Variants in COMMD1 observed in about 807,000 individuals in gnomAD.
The protein encoded by COMMD1 is copper metabolism domain containing 1.
In COMMD1, 10 loss-of-function variants were observed where a neutral mutation model predicts 17.2. That is an observed-to-expected ratio of 0.58 (90% CI 0.36 to 0.99). COMMD1 has a LOEUF of 0.99. COMMD1 is among the 50% of genes least tolerant of loss of function. COMMD1 has a pLI of 0.01. For synonymous variants in COMMD1, 97 were observed against 91.6 expected, an observed-to-expected ratio of 1.06 and a Z score of -0.34; for missense variants, 270 against 231.8, an observed-to-expected ratio of 1.17 and a Z score of -1.07.
chr2:61,922,314 T>TTTTG (rs921285948), intron 1 of COMMD1, among the ~76,000 whole-genome samples: 5 of 152,156 alleles, frequency 3.3e-5, no homozygotes, highest in Non-Finnish European at 5.9e-5. Context: ...GTGGCAGTTT[T>TTTTG]TTTGTTTGTT....
chr2:62,117,754 A>G (rs538223486), intron 2 of COMMD1, among the ~76,000 whole-genome samples: 25 of 152,276 alleles, frequency 1.6e-4, no homozygotes, highest in Middle Eastern at 6.8e-3. Flanking sequence ...TGAATTTGCT[A>G]AAGTGTTCCG....
At chr2:62,081,726 G>A (rs547908000) in intron 2 of COMMD1, among the ~76,000 whole-genome samples, 3 of 151,938 alleles carry the variant, frequency 2.0e-5, no homozygotes, top group South Asian at 2.1e-4. Flanking sequence ...TTTCCTTATC[G>A]ATTTATAAAA....
chr2:61,904,829 A>C (rs992558784), upstream of COMMD1, among the ~76,000 whole-genome samples: 19 of 152,360 alleles, frequency 1.2e-4, 1 homozygote, highest in East Asian at 3.5e-3. Flanking sequence ...ACCTATAAAC[A>C]GTCACTACCC....
chr2:62,037,797 GTAAAA>G (rs960113113), intron 2 of COMMD1, among the ~76,000 whole-genome samples: 1 of 152,178 alleles, frequency 6.6e-6, no homozygotes, highest in Non-Finnish European at 1.5e-5. Flanking sequence ...GATTCTGGGG[GTAAAA>G]TAAAATTTGA....
upstream of COMMD1, among the ~76,000 whole-genome samples, chr2:61,904,291 G>A (rs1027080451): frequency 6.6e-6 from 1 of 152,212 alleles, no homozygotes; most frequent in South Asian, 2.1e-4. Context: ...GATTAGAGGC[G>A]TGAGCCACCG....
At chr2:61,992,068 G>A (rs1181527743) in intron 1 of COMMD1, among the ~76,000 whole-genome samples, 7 of 152,096 alleles carry the variant, frequency 4.6e-5, no homozygotes, top group Admixed American at 4.6e-4. Flanking sequence ...AAATATAAAT[G>A]CTTAAGCATT....
At chr2:61,958,294 T>G (rs1305085183) in intron 1 of COMMD1, among the ~76,000 whole-genome samples, 2 of 151,580 alleles carry the variant, frequency 1.3e-5, no homozygotes, top group Non-Finnish European at 2.9e-5. Context: ...GAGATGAAGT[T>G]TTGCTCTTGT....
intron 1 of COMMD1, among the ~76,000 whole-genome samples, chr2:61,989,604 C>T (rs866699448): frequency 2.8e-4 from 42 of 151,852 alleles, no homozygotes; most frequent in African/African-American, 9.4e-4. Flanking sequence ...GGATTACAGG[C>T]ATGTGCCACC....
At chr2:62,053,062 A>C (rs1303443730) in intron 2 of COMMD1, among the ~76,000 whole-genome samples, 1 of 152,190 alleles carries the variant, frequency 6.6e-6, no homozygotes, top group African/African-American at 2.4e-5. Context: ...CCTAGGTGAC[A>C]GAGAGATCCT....
chr2:61,938,239 C>T (rs1670651570), intron 1 of COMMD1, among the ~76,000 whole-genome samples: 1 of 151,566 alleles, frequency 6.6e-6, no homozygotes, highest in South Asian at 2.1e-4. Context: ...GACTGCAGGC[C>T]CCACGGAGGA....
At chr2:61,957,006 C>T (rs1371577881) in intron 1 of COMMD1, among the ~76,000 whole-genome samples, 1 of 152,166 alleles carries the variant, frequency 6.6e-6, no homozygotes, top group Non-Finnish European at 1.5e-5. Flanking sequence ...CCGCCTCGGC[C>T]TCCCAAAGTG....
At chr2:61,889,370 C>T (rs1250734736) in intron 1 of COMMD1, among the ~76,000 whole-genome samples, 1 of 151,956 alleles carries the variant, frequency 6.6e-6, no homozygotes, top group Non-Finnish European at 1.5e-5. Flanking sequence ...CCATGCCTAG[C>T]GAATTTTTGT....
chr2:61,924,833 G>A (rs181880840), intron 1 of COMMD1, among the ~76,000 whole-genome samples: 308 of 152,282 alleles, frequency 2.0e-3, no homozygotes, highest in Non-Finnish European at 3.1e-3. Context: ...AGTGGGTAGA[G>A]GAAGAAGAGA....
intron 2 of COMMD1, among the ~76,000 whole-genome samples, chr2:62,051,908 G>A (rs917706056): frequency 6.6e-6 from 1 of 152,300 alleles, no homozygotes; most frequent in Non-Finnish European, 1.5e-5. Flanking sequence ...CATTTACTAA[G>A]CTGAGTTCAC....
chr2:62,000,857 A>T lies in COMMD1; in HGVS notation c.337A>T (p.Ser113Cys). 6.2e-7 allele frequency: 1 copy of T among 1,614,102 alleles called. No homozygotes were observed. The part of the protein sequence containing the change: ...TKIRESLMNQ[S>C]RWNSGLRGLS... ...AATCCGTGAGAGCCTCATGAACCAG[A>T]GCCGCTGGAATAGCGGGCTTCGGGG... The change falls in exon 2 of 3, where the codon AGC becomes TGC. Residue 113 changes from serine to cysteine, a missense_variant. Physicochemically the swap from Ser to Cys is moderately radical, Grantham distance 112. Transcript: ENST00000311832.
intron 1 of COMMD1, among the ~76,000 whole-genome samples, chr2:61,972,428 C>T (rs1448204260): frequency 2.0e-5 from 3 of 152,126 alleles, no homozygotes; most frequent in Non-Finnish European, 1.5e-5. Flanking sequence ...TGTCGCATAA[C>T]TCTCTATTCT....
At chr2:62,070,798 G>A (rs991458081) in intron 2 of COMMD1, among the ~76,000 whole-genome samples, 2 of 152,214 alleles carry the variant, frequency 1.3e-5, no homozygotes, top group Non-Finnish European at 2.9e-5. Context: ...GGGAGGCCAA[G>A]GCGTGCAGAT....
intron 2 of COMMD1, among the ~76,000 whole-genome samples, chr2:62,115,734 C>G (rs894480775): frequency 6.6e-6 from 1 of 151,032 alleles, no homozygotes; most frequent in Admixed American, 6.6e-5. Flanking sequence ...TGTGAGAGAA[C>G]GATTGACAAA....
At chr2:62,041,780 C>G (rs908759640) in intron 2 of COMMD1, among the ~76,000 whole-genome samples, 1 of 152,106 alleles carries the variant, frequency 6.6e-6, no homozygotes, top group Non-Finnish European at 1.5e-5. Context: ...TTCAGATGTT[C>G]AGATGTGTCC....
Sources: gnomAD v4.1 joint callset for allele counts (sites outside exome capture counted in the v4.1 genomes callset) on GRCh38, gnomAD v4.1.1 for gene constraint, MANE v1.5 for transcripts, NCBI Gene and HGNC (gene_info 2026-07-23, HGNC 2026-07-21) for gene names.